Variants in MEGF6 observed in about 807,000 individuals in gnomAD.
MEGF6 encodes the protein multiple epidermal growth factor-like domains protein 6.
In MEGF6, 184 loss-of-function variants were observed where a neutral mutation model predicts 207.1. That is an observed-to-expected ratio of 0.89 (90% CI 0.79 to 1.00). The LOEUF is 1.00. MEGF6 is among the 50% of genes least tolerant of loss of function. MEGF6 has a pLI of 0.00. For missense variants in MEGF6, 2,282 were observed against 2,202.9 expected (o/e 1.04, Z -0.72); for synonymous variants, 1,038 against 910.0 (o/e 1.14, Z -2.53).
intron 3 of MEGF6, among the ~76,000 whole-genome samples, chr1:3,593,246 C>G (rs900269036): frequency 2.0e-5 from 3 of 152,084 alleles, no homozygotes; most frequent in Non-Finnish European, 4.4e-5. Context: ...GAACCAGCCT[C>G]GGGGGACGAC....
chr1:3,511,452 G>T, intron 9 of MEGF6, 98 bp downstream of exon 9: 1 of 1,402,134 alleles, frequency 7.1e-7, no homozygotes, highest in East Asian at 2.5e-5. Context: ...GGAGACTGAC[G>T]AGGACCTCCA....
intron 35 of MEGF6, among the ~76,000 whole-genome samples, chr1:3,491,646 C>A (rs1640369803): frequency 6.6e-6 from 1 of 152,096 alleles, no homozygotes; most frequent in African/African-American, 2.4e-5. Context: ...AAAAGCAGAG[C>A]CTGCAGCCTG....
intron 9 of MEGF6, 76 bp from the exon 10 acceptor site, chr1:3,510,978 A>G: frequency 6.5e-7 from 1 of 1,535,130 alleles, no homozygotes; most frequent in Non-Finnish European, 8.8e-7. Flanking sequence ...ACACAACTGC[A>G]TACGACCACA....
At chr1:3,506,053 A>G in intron 15 of MEGF6, 55 bp downstream of exon 15, 2 of 1,532,390 alleles carry the variant, frequency 1.3e-6, no homozygotes, top group South Asian at 1.2e-5. Flanking sequence ...GACATGGACC[A>G]TCCCTTCCAC....
chr1:3,596,485 GCGCCA>G (rs1644067895), intron 2 of MEGF6, among the ~76,000 whole-genome samples: 1 of 89,664 alleles, frequency 1.1e-5, no homozygotes, highest in Non-Finnish European at 2.3e-5. Flanking sequence ...AGGGCACCCC[GCGCCA>G]TCCCCTGCCC....
chr1:3,492,226 CACACCCTG>C (rs1640403721), intron 35 of MEGF6, among the ~76,000 whole-genome samples: 1 of 152,172 alleles, frequency 6.6e-6, no homozygotes, highest in Non-Finnish European at 1.5e-5. Context: ...GACACACCCT[CACACCCTG>C]GTGCACGTGT....
At chr1:3,502,796 G>A (rs936390955) in intron 17 of MEGF6, among the ~76,000 whole-genome samples, 9 of 152,144 alleles carry the variant, frequency 5.9e-5, no homozygotes, top group Admixed American at 2.0e-4. Context: ...GCCCTCCCAC[G>A]CCTGCCCTGA....
rs1177861519 is a variant in MEGF6 at position 3,509,256 on chromosome 1, C to A, written c.1358-11G>T. The A allele has an allele frequency of 1.4e-6, 2 of 1,462,422 alleles. No homozygotes were observed. Among genetic ancestry groups the A allele is most frequent in the Non-Finnish European group, 1.8e-6 (2 of 1,104,716 alleles). The allele number at this position is 1,462,422 out of a possible 1,614,324, so 90.6% of individuals were successfully genotyped here. A position where few individuals can be genotyped will look rare whatever the true frequency, so the allele number is the denominator to read the frequency against. On this transcript the variant is annotated splice_polypyrimidine_tract_variant and intron_variant, in intron 11 of 36. Transcript: ENST00000356575. ...TCGGCTCCTCCAGGGCTGCCAGGGGCACAGAGGCGCCTTAGCCCCTGCCAC... is the reference window on the plus strand; with the variant it reads ...TCGGCTCCTCCAGGGCTGCCAGGGGAACAGAGGCGCCTTAGCCCCTGCCAC...
chr1:3,596,523 C>T (rs1480158620), intron 2 of MEGF6, among the ~76,000 whole-genome samples: 1 of 119,842 alleles, frequency 8.3e-6, no homozygotes, highest in African/African-American at 3.2e-5. Flanking sequence ...CACCCCAGGG[C>T]ACCCCGCGCC....
rs1232755176 is a variant in MEGF6, at chr1:3,588,556, GCAGGAGGGGA to G, written c.376+6772_376+6781del. On this transcript the variant is annotated intron_variant, in intron 3 of 36. Coordinates refer to ENST00000356575, the MANE Select transcript of MEGF6 (RefSeq NM_001409.4). ...AGTGGCCAGGAGGGGGCAGGAGGGG[GCAGGAGGGGA>G]CAGGACAGCCTGGAGAGAAGCTCTG... 3.5e-5 allele frequency among the ~76,000 whole-genome samples: 5 copies of G among 143,150 alleles called. No homozygotes were observed. In the South Asian group the frequency reaches 9.4e-4, roughly 27 times the overall value. The allele number at this position is 143,150 out of a possible 152,430, so 93.9% of individuals were successfully genotyped here.
intron 5 of MEGF6, among the ~76,000 whole-genome samples, chr1:3,522,717 C>T (rs980376362): frequency 6.6e-6 from 1 of 152,048 alleles, no homozygotes; most frequent in Non-Finnish European, 1.5e-5. Context: ...CCCAAGGCCC[C>T]CCCACTCACA....
rs1232352795 is a variant in MEGF6, at chr1:3,490,624, TG to T, written c.4565-36del. The T allele has an allele frequency of 2.5e-6, 4 of 1,606,132 alleles. No homozygotes were observed. In the African/African-American group the frequency reaches 5.4e-5, roughly 22 times the overall value. On this transcript the variant is annotated intron_variant, in intron 36 of 36. Coordinates refer to ENST00000356575, the MANE Select transcript of MEGF6 (RefSeq NM_001409.4). ...AGGAGAAAAGAGGGCCAGTCCAGGG[TG>T]GGGCGGGTGCTCCCAGAACAGACTG...
At chr1:3,607,018 C>A (rs941198872) in intron 1 of MEGF6, among the ~76,000 whole-genome samples, 5 of 152,148 alleles carry the variant, frequency 3.3e-5, no homozygotes, top group African/African-American at 1.2e-4. Context: ...GCCCTCAATT[C>A]AGCATCTGGA....
intron 35 of MEGF6, among the ~76,000 whole-genome samples, chr1:3,491,922 G>A (rs924303929): frequency 1.3e-5 from 2 of 151,440 alleles, no homozygotes; most frequent in African/African-American, 4.9e-5. Flanking sequence ...ACAGGTGCTG[G>A]AGCACGCTCA....
chr1:3,512,234 C>T lies in MEGF6; in HGVS notation c.854-106G>A, dbSNP rs1260028116. ...CCTGCTGACACCCAGGGCCTGTGGCCGCATGACACAGGCATTCAAGGCCAA... is the reference window on the plus strand; with the variant it reads ...CCTGCTGACACCCAGGGCCTGTGGCTGCATGACACAGGCATTCAAGGCCAA... On this transcript the variant is annotated intron_variant, in intron 7 of 36. Coordinates refer to ENST00000356575, the MANE Select transcript of MEGF6 (RefSeq NM_001409.4). The T allele has an allele frequency of 1.3e-5, 19 of 1,423,514 alleles. No individual in the cohort carries two copies. In the Admixed American group the frequency reaches 2.1e-4, roughly 16 times the overall value. The allele number at this position is 1,423,514 out of a possible 1,614,324, so 88.2% of individuals were successfully genotyped here. A position where few individuals can be genotyped will look rare whatever the true frequency, so the allele number is the denominator to read the frequency against.
chr1:3,503,886 G>A (rs925869217), intron 17 of MEGF6, among the ~76,000 whole-genome samples: 8 of 152,154 alleles, frequency 5.3e-5, no homozygotes, highest in Non-Finnish European at 7.4e-5. Flanking sequence ...GCTGCACACC[G>A]GCCTGAGACC....
intron 3 of MEGF6, among the ~76,000 whole-genome samples, chr1:3,583,359 C>T (rs1643848087): frequency 4.1e-5 from 5 of 122,792 alleles, no homozygotes; most frequent in African/African-American, 7.9e-5. Context: ...CCAGACAACG[C>T]GCAGCCACCA....
chr1:3,530,128 AC>A (rs1344782250), intron 4 of MEGF6, among the ~76,000 whole-genome samples: 1 of 152,148 alleles, frequency 6.6e-6, no homozygotes, highest in Non-Finnish European at 1.5e-5. Context: ...CTGTGGGTGG[AC>A]CTGGCCTTGG....
rs1249393373 is a variant in MEGF6, at chr1:3,489,665, CCCT to C, written c.*860_*862del. ...AGTCCAGGTTGCCCCTCCACACCAG[CCCT>C]CCTCCCCCTGGGCCATTCTCTGGGA... On this transcript the variant is annotated 3_prime_UTR_variant, in exon 37 of 37. Transcript: ENST00000356575. 6.6e-5 allele frequency among the ~76,000 whole-genome samples: 10 copies of C among 152,286 alleles called. No homozygotes were observed. Among genetic ancestry groups the C allele is most frequent in the South Asian group, 4.1e-4 (2 of 4,828 alleles).
Sources: allele counts gnomAD v4.1 joint callset (sites outside exome capture counted in the v4.1 genomes callset), GRCh38; gene constraint gnomAD v4.1.1; transcripts MANE v1.5; gene names NCBI Gene and HGNC (gene_info 2026-07-23, HGNC 2026-07-21).